NR1H4: variants seen among roughly 807,000 people sequenced by gnomAD.
NR1H4 encodes the protein bile acid receptor.
NR1H4 carries 23 observed loss-of-function variants against 58.5 expected under a neutral mutation model. The ratio of observed to expected loss-of-function variants is 0.39; its 90% CI spans 0.28 to 0.56. The LOEUF (loss-of-function observed/expected upper bound fraction) is 0.56, where lower values mean the gene tolerates loss of function less well. NR1H4 is among the 20% of genes least tolerant of loss of function. NR1H4 has a pLI of 0.58. For missense variants in NR1H4, 487 were observed against 576.9 expected, an observed-to-expected ratio of 0.84 and a Z score of 1.60; for synonymous variants, 214 against 198.0, an observed-to-expected ratio of 1.08 and a Z score of -0.68.
rs77269426 is a variant in NR1H4 at position 100,526,788 on chromosome 12, C to G, written c.446-5670C>G. Among the ~76,000 whole-genome samples the G allele has an allele frequency of 3.4e-3, 513 of 152,266 alleles. 4 individuals carry two copies. The highest frequency in any genetic ancestry group is 6.8e-3 in the Middle Eastern group (2 of 294). ...AGTGCTGGTTCAATACTCACAGAACCTCCCAGACTCATCCCATTCCCAATT... is the reference window on the plus strand; with the variant it reads ...AGTGCTGGTTCAATACTCACAGAACGTCCCAGACTCATCCCATTCCCAATT... On this transcript the variant is annotated intron_variant, in intron 4 of 10. Transcript: ENST00000392986.
At chr12:100,531,942 C>G (rs1954703601) in intron 4 of NR1H4, among the ~76,000 whole-genome samples, 1 of 152,190 alleles carries the variant, frequency 6.6e-6, no homozygotes, top group South Asian at 2.1e-4. Flanking sequence ...CTTTCCAAAA[C>G]TTAGCTCAGT....
At chr12:100,524,523 A>C (rs922925525) in intron 4 of NR1H4, among the ~76,000 whole-genome samples, 1 of 152,182 alleles carries the variant, frequency 6.6e-6, no homozygotes, top group African/African-American at 2.4e-5. Flanking sequence ...TGTCCTCATC[A>C]TAACCCCTGT....
At position 100,561,780 on chromosome 12, in the gene NR1H4, C is replaced by T. The variant is rs192420554; in HGVS notation, c.1079-105C>T. The T allele has an allele frequency of 1.4e-4, 93 of 683,054 alleles. No homozygotes were observed. The African/African-American group carries it at 1.6e-3, about 12-fold the overall frequency. The allele number at this position is 683,054 out of a possible 1,614,324, so 42.3% of individuals were successfully genotyped here. A position where few individuals can be genotyped will look rare whatever the true frequency, so the allele number is the denominator to read the frequency against. On this transcript the variant is annotated intron_variant, in intron 9 of 10. Transcript: ENST00000392986. Reference sequence around the variant, plus strand: ...AATATAGTCATTATTTGAATGTGTGCATATAGTTGCAAAATTACCATGTGT... The same window carrying T: ...AATATAGTCATTATTTGAATGTGTGTATATAGTTGCAAAATTACCATGTGT...
chr12:100,493,695 A>C lies in NR1H4; in HGVS notation c.79+293A>C, dbSNP rs1174936778. ...GGGAGTAGAAAGCGATTCCTCCTCTAAGGCTAATTCCAATATTATTATAGC... is the reference window on the plus strand; with the variant it reads ...GGGAGTAGAAAGCGATTCCTCCTCTCAGGCTAATTCCAATATTATTATAGC... On this transcript the variant is annotated intron_variant, in intron 3 of 10. Transcript: ENST00000392986. Among the ~76,000 whole-genome samples the C allele has an allele frequency of 3.9e-5, 6 of 152,232 alleles. No individual in the cohort carries two copies. The South Asian group carries it at 1.2e-3, about 32-fold the overall frequency.
chr12:100,552,117 C>T (rs1469944696), intron 9 of NR1H4, among the ~76,000 whole-genome samples: 1 of 152,056 alleles, frequency 6.6e-6, no homozygotes, highest in Admixed American at 6.6e-5. Flanking sequence ...TTCATATTCC[C>T]AGATTCCCAG....
intron 9 of NR1H4, 74 bp downstream of exon 9, chr12:100,540,892 C>T: frequency 7.0e-7 from 1 of 1,423,604 alleles, no homozygotes; most frequent in Non-Finnish European, 9.9e-7. Flanking sequence ...GGGTGGGGCT[C>T]TTGCCAATCT....
chr12:100,485,657 C>T (rs1415263447), intron 1 of NR1H4, among the ~76,000 whole-genome samples: 6 of 151,924 alleles, frequency 3.9e-5, no homozygotes, highest in African/African-American at 1.2e-4. Flanking sequence ...CTCAGCCTCC[C>T]GAGTAGCTGG....
intron 3 of NR1H4, among the ~76,000 whole-genome samples, chr12:100,502,437 G>T (rs1307175541): frequency 6.6e-6 from 1 of 152,146 alleles, no homozygotes; most frequent in Non-Finnish European, 1.5e-5. Context: ...CCCACAGATG[G>T]CCATCTCCGT....
chr12:100,493,995 C>A (rs1436327503), intron 3 of NR1H4, among the ~76,000 whole-genome samples: 9 of 152,172 alleles, frequency 5.9e-5, no homozygotes. Flanking sequence ...AGAGTTTCAA[C>A]TGCAAACATT....
At chr12:100,477,144 A>T (rs1953288214) in intron 1 of NR1H4, among the ~76,000 whole-genome samples, 1 of 152,064 alleles carries the variant, frequency 6.6e-6, no homozygotes, top group African/African-American at 2.4e-5. Context: ...TTTCTCCCTC[A>T]GTTTGCCCAT....
rs1165499742 is a variant in NR1H4 at position 100,563,841 on chromosome 12, A to C, written c.*352A>C. 1.0e-5 allele frequency: 2 copies of C among 196,632 alleles called. No homozygotes were observed. Among genetic ancestry groups the C allele is most frequent in the Non-Finnish European group, 2.1e-5 (2 of 96,122 alleles). 12.2% of individuals were successfully genotyped at this position (196,632 alleles called of 1,614,324 possible). ...TTAAAGAGTTGTATTCAATCTTGGC[A>C]ATAAAGCAAACATAATGGCAACAGG... On this transcript the variant is annotated 3_prime_UTR_variant, in exon 11 of 11. Transcript: ENST00000392986.
intron 10 of NR1H4, 73 bp downstream of exon 10, chr12:100,562,071 A>T: frequency 1.3e-6 from 1 of 767,868 alleles, no homozygotes; most frequent in Non-Finnish European, 2.3e-6. Context: ...TATTGAAAAA[A>T]ATCTGGAAAA....
chr12:100,520,452 G>A (rs59972477), intron 4 of NR1H4, among the ~76,000 whole-genome samples: 5,704 of 152,140 alleles, frequency 0.037, 357 homozygotes, highest in African/African-American at 0.13. Context: ...CTGGCCCGCC[G>A]GTTGCTTTTC....
At chr12:100,513,835 A>G (rs192260452) in intron 4 of NR1H4, among the ~76,000 whole-genome samples, 24 of 141,608 alleles carry the variant, frequency 1.7e-4, no homozygotes, top group African/African-American at 6.2e-4. Context: ...GAAGGAAGGA[A>G]GGAAGGAAGG....
intron 4 of NR1H4, among the ~76,000 whole-genome samples, chr12:100,522,405 T>C (rs1243633506): frequency 6.6e-6 from 1 of 152,188 alleles, no homozygotes; most frequent in African/African-American, 2.4e-5. Flanking sequence ...TGTAAAGTAC[T>C]TAACAGAGTT....
intron 4 of NR1H4, among the ~76,000 whole-genome samples, chr12:100,529,625 G>C (rs941251761): frequency 6.6e-6 from 1 of 151,898 alleles, no homozygotes; most frequent in African/African-American, 2.4e-5. Context: ...ATAACACCCT[G>C]TGTTTGCTCA....
intron 4 of NR1H4, among the ~76,000 whole-genome samples, chr12:100,519,721 G>A (rs1224265963): frequency 4.6e-5 from 7 of 152,202 alleles, no homozygotes; most frequent in Admixed American, 2.0e-4. Context: ...CCCAAATGAC[G>A]TGGAGTTTCT....
chr12:100,554,345 T>A (rs964453993), intron 9 of NR1H4, among the ~76,000 whole-genome samples: 1 of 151,354 alleles, frequency 6.6e-6, no homozygotes, highest in Non-Finnish European at 1.5e-5. Context: ...ATAGAGGTAT[T>A]TAAGATACTA....
At chr12:100,482,845 G>T (rs35313536) in intron 1 of NR1H4, among the ~76,000 whole-genome samples, 1,684 of 152,230 alleles carry the variant, frequency 0.011, 92 homozygotes, top group Admixed American at 0.088. Flanking sequence ...AAGGTCAGCT[G>T]TTGTTTAGGC....
Sources: gnomAD v4.1 joint callset for allele counts (sites outside exome capture counted in the v4.1 genomes callset) on GRCh38, gnomAD v4.1.1 for gene constraint, MANE v1.5 for transcripts, NCBI Gene and HGNC (gene_info 2026-07-23, HGNC 2026-07-21) for gene names.